Variants in LARP1 observed in about 807,000 individuals in gnomAD.
LARP1 encodes la-related protein 1.
Under a neutral mutation model 122.7 loss-of-function variants are expected in LARP1, and 36 were observed. The observed-to-expected ratio is 0.29, with a 90% CI of 0.22 to 0.39. The LOEUF is 0.39. LARP1 is among the 10% of genes least tolerant of loss of function. LARP1 has a pLI of 1.00. For synonymous variants in LARP1, 539 were observed against 528.7 expected, an observed-to-expected ratio of 1.02 and a Z score of -0.27; for missense variants, 1,040 against 1,403.6, an observed-to-expected ratio of 0.74 and a Z score of 4.14.
intron 1 of LARP1, among the ~76,000 whole-genome samples, chr5:154,731,179 C>T (rs986884143): frequency 2.6e-5 from 4 of 151,438 alleles, no homozygotes; most frequent in Non-Finnish European, 4.4e-5. Flanking sequence ...CAATCATAAC[C>T]GTGTGAAAGG....
chr5:154,814,302 T>C lies in LARP1; in HGVS notation c.*206T>C. ...AGCCTCTACATCCCCTTCCCCCTCC[T>C]CTCTCCATGACTCTTGACATCCTAG... is the stretch of plus-strand genomic sequence containing the variant. On this transcript the variant is annotated 3_prime_UTR_variant, in exon 19 of 19. Transcript: ENST00000518297. 1 of 514,600 alleles carries C rather than the reference T, an allele frequency of 1.9e-6. No homozygotes were observed. The highest frequency in any genetic ancestry group is 3.3e-5 in the East Asian group (1 of 30,682). The allele number at this position is 514,600 out of a possible 1,614,324, so 31.9% of individuals were successfully genotyped here.
chr5:154,804,242 C>G lies in LARP1; in HGVS notation c.2481C>G (p.Pro827=), dbSNP rs1226054887. 2.5e-6 allele frequency: 4 copies of G among 1,614,046 alleles called. No individual in the cohort carries two copies. Among genetic ancestry groups the G allele is most frequent in the Non-Finnish European group, 3.4e-6 (4 of 1,180,022 alleles). ...AGACAAGACACAGTTCAAACCCACC[C>G]TTGGAGAGCCATGTGGGCTGGGTGA... ...KRKTRHSSNP[P]LESHVGWVMD... The change falls in exon 14 of 19, where the codon CCC becomes CCG. Residue 827 remains proline, a synonymous_variant. Transcript: ENST00000518297.
chr5:154,795,052 A>T (rs1390138127), intron 7 of LARP1, 123 bp from the exon 8 acceptor site: 4 of 888,572 alleles, frequency 4.5e-6, no homozygotes, highest in Non-Finnish European at 7.2e-6. Context: ...GGTATATAGG[A>T]TAAGGATGGG....
chr5:154,708,946 T>C (rs1388307007), upstream of LARP1, among the ~76,000 whole-genome samples: 1 of 152,184 alleles, frequency 6.6e-6, no homozygotes, highest in African/African-American at 2.4e-5. Flanking sequence ...ATTTCAGCAT[T>C]TCTCTATGGA....
At chr5:154,716,733 G>C (rs1755530928) in intron 1 of LARP1, among the ~76,000 whole-genome samples, 1 of 151,938 alleles carries the variant, frequency 6.6e-6, no homozygotes. Context: ...ACAGGTGTGA[G>C]CCACTGCACC....
chr5:154,703,120 C>CA (rs757446137), intron 1 of LARP1, among the ~76,000 whole-genome samples: 17,947 of 38,688 alleles, frequency 0.46, 5,732 homozygotes, highest in Non-Finnish European at 0.62. Flanking sequence ...GACGCTGTCT[C>CA]AAAAAAAAAA....
At chr5:154,777,485 C>T (rs1341742790) in intron 1 of LARP1, among the ~76,000 whole-genome samples, 2 of 152,148 alleles carry the variant, frequency 1.3e-5, no homozygotes, top group Non-Finnish European at 1.5e-5. Context: ...CACGCCACTG[C>T]ACTCCAGCCT....
chr5:154,804,663 G>T (rs1308605652), intron 14 of LARP1: 2 of 417,876 alleles, frequency 4.8e-6, no homozygotes, highest in Non-Finnish European at 9.3e-6. Context: ...GTCTTGGGAG[G>T]CTACTTGAAA....
intron 1 of LARP1, among the ~76,000 whole-genome samples, chr5:154,779,418 G>A (rs907903741): frequency 1.3e-5 from 2 of 151,908 alleles, no homozygotes; most frequent in African/African-American, 4.8e-5. Context: ...GTTAACTGCT[G>A]CTCTAACCTG....
rs144624261 is a variant in LARP1, at chr5:154,799,896, G to T, written c.1570G>T (p.Ala524Ser). The T allele has an allele frequency of 4.3e-6, 7 of 1,613,900 alleles. No homozygotes were observed. The highest frequency in any genetic ancestry group is 5.1e-6 in the Non-Finnish European group (6 of 1,179,966). Residue 524 changes from alanine (A) to serine (S), a missense_variant, in exon 10 of 19, where the codon GCA becomes TCA. Around this residue, in one of 8 missense-constraint regions of LARP1, gnomAD observed 362 missense variants for 533.1 expected, o/e 0.68. Coordinates refer to ENST00000518297, the MANE Select transcript of LARP1 (RefSeq NM_033551.3). ...ETESAPGSPR[A>S]VTPVPTKTEE... ...AGAGTCGGCACCTGGCTCTCCTCGT[G>T]CAGTCACCCCAGTGCCAACCAAAAC...
chr5:154,751,398 TTAA>T (rs1371927134), upstream of LARP1, among the ~76,000 whole-genome samples: 1 of 152,160 alleles, frequency 6.6e-6, no homozygotes, highest in African/African-American at 2.4e-5. Flanking sequence ...CAGTAGACAT[TTAA>T]GGAAATAATA....
At chr5:154,704,451 A>G (rs1460681009) in intron 1 of LARP1, among the ~76,000 whole-genome samples, 1 of 151,992 alleles carries the variant, frequency 6.6e-6, no homozygotes, top group East Asian at 1.9e-4. Context: ...GTTCGAGATC[A>G]GCCTGGCCAA....
intron 1 of LARP1, among the ~76,000 whole-genome samples, chr5:154,764,451 A>G (rs2113616839): frequency 6.6e-6 from 1 of 151,280 alleles, no homozygotes; most frequent in Admixed American, 6.6e-5. Context: ...TTAAAAAAAA[A>G]TTAACTGGGT....
At chr5:154,792,112 G>C (rs1439461811) in intron 3 of LARP1, 1 of 381,704 alleles carries the variant, frequency 2.6e-6, no homozygotes, top group African/African-American at 2.1e-5. Flanking sequence ...CCGACCTCCA[G>C]ACCACATGTC....
chr5:154,777,551 T>C (rs1756017537), intron 1 of LARP1, among the ~76,000 whole-genome samples: 1 of 152,068 alleles, frequency 6.6e-6, no homozygotes, highest in Non-Finnish European at 1.5e-5. Flanking sequence ...AAATATGGTA[T>C]AAAATATGGA....
intron 1 of LARP1, among the ~76,000 whole-genome samples, chr5:154,727,838 T>C (rs1033702189): frequency 6.6e-6 from 1 of 152,080 alleles, no homozygotes; most frequent in African/African-American, 2.4e-5. Context: ...GAGGCCAAGG[T>C]GGGCAGATCA....
chr5:154,696,396 G>A (rs1754471711), intron 1 of LARP1, among the ~76,000 whole-genome samples: 1 of 152,088 alleles, frequency 6.6e-6, no homozygotes, highest in African/African-American at 2.4e-5. Context: ...CAAAGCAAAT[G>A]CTCATTGAAA....
At chr5:154,727,577 T>C (rs1756301655) in intron 1 of LARP1, among the ~76,000 whole-genome samples, 1 of 152,198 alleles carries the variant, frequency 6.6e-6, no homozygotes, top group South Asian at 2.1e-4. Flanking sequence ...AGGAATCTAT[T>C]ACACAATGTG....
At chr5:154,720,693 C>CAG (rs1335920508) in intron 1 of LARP1, among the ~76,000 whole-genome samples, 2 of 152,054 alleles carry the variant, frequency 1.3e-5, no homozygotes, top group Admixed American at 6.6e-5. Flanking sequence ...GCCTGGGCAA[C>CAG]AGAGAGAGAC....
Sources: allele counts gnomAD v4.1 joint callset (sites outside exome capture counted in the v4.1 genomes callset), GRCh38; gene constraint gnomAD v4.1.1; regional missense constraint gnomAD v4.1.1; transcripts MANE v1.5; gene names NCBI Gene and HGNC (gene_info 2026-07-23, HGNC 2026-07-21).